The following TMPRSS3 variants were observed in gnomAD, a reference collection of about 807,000 sequenced individuals.
TMPRSS3 encodes the protein transmembrane serine protease 3.
TMPRSS3 carries 55 observed loss-of-function variants against 59.6 expected under a neutral mutation model. The observed-to-expected ratio is 0.92, with a 90% CI of 0.74 to 1.16. TMPRSS3 has a LOEUF of 1.16. Among genes scored for constraint, TMPRSS3 ranks in the 50% most tolerant of loss-of-function variants. The probability of loss-of-function intolerance (pLI) is 0.00; values close to 1 mark genes in which losing one functional copy is unlikely to be tolerated. For synonymous variants in TMPRSS3, 257 were observed against 237.7 expected (o/e 1.08, Z -0.75); for missense variants, 596 against 579.4 (o/e 1.03, Z -0.29).
At position 42,375,834 on chromosome 21, in the gene TMPRSS3, C is replaced by T. The variant is rs1015895780; in HGVS notation, c.1226G>A (p.Arg409Lys). The change falls in exon 12 of 13, where the codon AGG (arginine) becomes AAG (lysine). Residue 409 changes from arginine (R) to lysine (K), a missense_variant. By Grantham distance (26) the Arg-to-Lys change is conservative. Transcript: ENST00000644384. ...CGCTCCCACTAACTTCCACAGCCTCCTCTCTTGACACACCAGGGGCCCCCC... is the reference window on the plus strand; with the variant it reads ...CGCTCCCACTAACTTCCACAGCCTCTTCTCTTGACACACCAGGGGCCCCCC... ...DSGGPLVCQE[R>K]RLWKLVGATS... 1 of 1,613,942 alleles carries T rather than the reference C, an allele frequency of 6.2e-7. No individual in the cohort carries two copies. Among genetic ancestry groups the T allele is most frequent in the South Asian group, 1.1e-5 (1 of 91,080 alleles).
chr21:42,372,661 G>C lies in TMPRSS3; in HGVS notation c.*101C>G. On this transcript the variant is annotated 3_prime_UTR_variant, in exon 13 of 13. Transcript: ENST00000644384. ...CTGGTGCCGGAACTCAGAGCTCCAA[G>C]GGTGTCTGCTCGTGTGCAGGTTCCT... The C allele has an allele frequency of 3.2e-6, 4 of 1,237,742 alleles. No individual in the cohort carries two copies. The highest frequency in any genetic ancestry group is 4.8e-6 in the Non-Finnish European group (4 of 836,924). 76.7% of individuals were successfully genotyped at this position (1,237,742 alleles called of 1,614,324 possible).
rs2052705932 is a variant in TMPRSS3 at position 42,389,917 on chromosome 21, T to G, written c.205+10A>C. On this transcript the variant is annotated intron_variant, in intron 3 of 12. Transcript: ENST00000644384. ...ATTTGAGATCCTACTAAATAATGAA[T>G]TGTACTCACTGCCCAGACCAATGGC... is the stretch of plus-strand genomic sequence containing the variant. The G allele has an allele frequency of 1.3e-6, 2 of 1,594,056 alleles. No homozygotes were observed. Among genetic ancestry groups the G allele is most frequent in the Non-Finnish European group, 1.7e-6 (2 of 1,161,612 alleles).
chr21:42,388,288 A>T lies in TMPRSS3; in HGVS notation c.446+115T>A. Reference sequence around the variant, plus strand: ...CGGGCATCCTAAGGTGGATGTGAGGATGTAATCTGAGAGCGTTAAAGCACC... The same window carrying T: ...CGGGCATCCTAAGGTGGATGTGAGGTTGTAATCTGAGAGCGTTAAAGCACC... On this transcript the variant is annotated intron_variant, in intron 5 of 12. Transcript: ENST00000644384. This position sits in a 1 kb window ranked among gnomAD's most constrained non-coding sequence, Gnocchi z 5.1. The T allele has an allele frequency of 7.2e-7, 1 of 1,394,900 alleles. No homozygotes were observed. 86.4% of individuals were successfully genotyped at this position (1,394,900 alleles called of 1,614,324 possible).
intron 5 of TMPRSS3, among the ~76,000 whole-genome samples, chr21:42,387,057 A>T (rs531623299): frequency 6.6e-4 from 100 of 151,022 alleles, no homozygotes; most frequent in African/African-American, 2.3e-3. Context: ...ATATTTTACC[A>T]AACGGGCTGG....
At chr21:42,372,907 G>T in intron 12 of TMPRSS3, 128 bp from the exon 13 acceptor site, 1 of 1,172,372 alleles carries the variant, frequency 8.5e-7, no homozygotes, top group Non-Finnish European at 1.3e-6. Context: ...TGAAGACAAG[G>T]TTGGCCTCCC....
In TMPRSS3 at chr21:42,383,024, A is replaced by C. The variant is rs1412556954; in HGVS notation, c.782+9T>G. ...ACAGGGGTCTGGGAAGATGGTCAGCAGCACTCACTCATAAACACAGTGTGC... is the reference window on the plus strand; with the variant it reads ...ACAGGGGTCTGGGAAGATGGTCAGCCGCACTCACTCATAAACACAGTGTGC... On this transcript the variant is annotated intron_variant, in intron 8 of 12. Coordinates refer to ENST00000644384, the MANE Select transcript of TMPRSS3 (RefSeq NM_001256317.3). The C allele has an allele frequency of 6.2e-7, 1 of 1,613,984 alleles. No homozygotes were observed. The highest frequency in any genetic ancestry group is 1.1e-5 in the South Asian group (1 of 91,082).
intron 1 of TMPRSS3, 61 bp from the exon 2 acceptor site, chr21:42,395,529 A>G: frequency 1.1e-6 from 1 of 925,540 alleles, no homozygotes; most frequent in Non-Finnish European, 1.7e-6. Flanking sequence ...CATCAGGTGC[A>G]TCTTGGTCAT....
At chr21:42,383,431 G>C in intron 7 of TMPRSS3, 1 of 598,656 alleles carries the variant, frequency 1.7e-6, no homozygotes, top group Middle Eastern at 4.4e-4. Context: ...AAAAGCACCT[G>C]CCCTGCTTGG....
chr21:42,374,352 T>C (rs1399065107), intron 12 of TMPRSS3, among the ~76,000 whole-genome samples: 1 of 152,244 alleles, frequency 6.6e-6, no homozygotes, highest in Non-Finnish European at 1.5e-5. Flanking sequence ...GAGGTGAAGC[T>C]AGCCCAGGTC....
rs369273878 is a variant in TMPRSS3, at chr21:42,383,146, G to A, written c.669C>T (p.Ser223=). Residue 223 remains serine (S), a synonymous_variant, in exon 8 of 13, where the codon TCC becomes TCT. Transcript: ENST00000644384. ...CCTGCCAGGGCCACTGCGAGAGCAA[G>A]GACATGTTTCCACCCACGATGCGTG... ...YSSRIVGGNM[S]LLSQWPWQAS... is the part of the protein sequence containing the mutation. The A allele has an allele frequency of 1.7e-5, 28 of 1,614,096 alleles. No individual in the cohort carries two copies. Among genetic ancestry groups the A allele is most frequent in the Non-Finnish European group, 2.3e-5 (27 of 1,180,056 alleles).
chr21:42,372,249 T>G lies in TMPRSS3; in HGVS notation c.*513A>C, dbSNP rs1435346725. ...CCCTTGCAAGTTGCTGCTTCTTTTG[T>G]TCTTAGTGAAGATCAGAAAGGAGCG... On this transcript the variant is annotated 3_prime_UTR_variant, in exon 13 of 13. Transcript: ENST00000644384. 2.2e-6 allele frequency: 1 copy of G among 444,900 alleles called. No individual in the cohort carries two copies. Among genetic ancestry groups the G allele is most frequent in the Admixed American group, 2.4e-5 (1 of 41,822 alleles). 27.6% of individuals were successfully genotyped at this position (444,900 alleles called of 1,614,324 possible). A position where few individuals can be genotyped will look rare whatever the true frequency, so the allele number is the denominator to read the frequency against.
At position 42,388,573 on chromosome 21, in the gene TMPRSS3, C is replaced by G. The variant is rs759628336; in HGVS notation, c.323-47G>C. 20 of 1,613,784 alleles carry G rather than the reference C, an allele frequency of 1.2e-5. No homozygotes were observed. The South Asian group carries it at 2.2e-4, about 18-fold the overall frequency. On this transcript the variant is annotated intron_variant, in intron 4 of 12. Transcript: ENST00000644384. This position sits in a 1 kb window ranked among gnomAD's most constrained non-coding sequence, Gnocchi z 5.1. Reference sequence around the variant, plus strand: ...AGGCTTATTAGTGGCCAGTGGAACCCTGAGACCATAGGCAGGGGTTTCTCC... The same window carrying G: ...AGGCTTATTAGTGGCCAGTGGAACCGTGAGACCATAGGCAGGGGTTTCTCC...
chr21:42,376,805 C>A, intron 10 of TMPRSS3, 122 bp from the exon 11 acceptor site: 1 of 1,442,070 alleles, frequency 6.9e-7, no homozygotes, highest in Non-Finnish European at 9.6e-7. Flanking sequence ...TCTGGTGTGT[C>A]GCAACAGCGG....
At chr21:42,379,238 G>A (rs902031747) in intron 10 of TMPRSS3, among the ~76,000 whole-genome samples, 1 of 150,916 alleles carries the variant, frequency 6.6e-6, no homozygotes, top group African/African-American at 2.4e-5. Context: ...ATGTTGCCCA[G>A]GCTGGTCTCA....
chr21:42,378,183 G>T (rs753049935), intron 10 of TMPRSS3, among the ~76,000 whole-genome samples: 4 of 152,282 alleles, frequency 2.6e-5, no homozygotes, highest in Admixed American at 2.6e-4. Flanking sequence ...ACTACAGAGA[G>T]CTGTGAGTGC....
chr21:42,385,125 GAC>G (rs977181716), intron 6 of TMPRSS3, among the ~76,000 whole-genome samples: 12 of 80,312 alleles, frequency 1.5e-4, no homozygotes, highest in African/African-American at 6.9e-4. Context: ...TCATTCCCCA[GAC>G]ACACCCAGAG....
chr21:42,373,502 G>A, intron 12 of TMPRSS3, among the ~76,000 whole-genome samples: 1 of 152,196 alleles, frequency 6.6e-6, no homozygotes, highest in East Asian at 1.9e-4. Flanking sequence ...CCCTCCCAGG[G>A]TTTCTCAGTG....
At chr21:42,380,364 C>T in intron 9 of TMPRSS3, 152 bp from the exon 10 acceptor site, 1 of 711,390 alleles carries the variant, frequency 1.4e-6, no homozygotes, top group East Asian at 2.7e-5. Context: ...CAGCTCACAG[C>T]AGGAGCCCCT....
At position 42,395,968 on chromosome 21, in the gene TMPRSS3, A is replaced by G. The variant is rs557132994; in HGVS notation, c.-78T>C. The G allele has an allele frequency of 3.9e-6, 2 of 518,910 alleles. No individual in the cohort carries two copies. The highest frequency in any genetic ancestry group is 3.9e-5 in the African/African-American group (2 of 51,948). 32.1% of individuals were successfully genotyped at this position (518,910 alleles called of 1,614,324 possible). A position where few individuals can be genotyped will look rare whatever the true frequency, so the allele number is the denominator to read the frequency against. On this transcript the variant is annotated 5_prime_UTR_variant, in exon 1 of 13. Coordinates refer to ENST00000644384, the MANE Select transcript of TMPRSS3 (RefSeq NM_001256317.3). Reference sequence around the variant, plus strand: ...TAATTCCCGAGTCCCAAAAATGTAGATGGCACCACGGAAGAGATAGTAGGC... The same window carrying G: ...TAATTCCCGAGTCCCAAAAATGTAGGTGGCACCACGGAAGAGATAGTAGGC...
Sources: gnomAD v4.1 joint callset for allele counts (sites outside exome capture counted in the v4.1 genomes callset) on GRCh38, gnomAD v4.1.1 for gene constraint, Gnocchi (gnomAD v3.1) non-coding constraint, MANE v1.5 for transcripts, NCBI Gene and HGNC (gene_info 2026-07-23, HGNC 2026-07-21) for gene names.